The following RRM1 variants were observed in gnomAD, a reference collection of about 807,000 sequenced individuals.
RRM1 encodes ribonucleoside-diphosphate reductase large subunit.
A neutral mutation model predicts 101.5 loss-of-function variants in RRM1; 19 were observed. The observed-to-expected ratio is 0.19, with a 90% CI of 0.13 to 0.27. The LOEUF (loss-of-function observed/expected upper bound fraction) is 0.27. Ranked by LOEUF, RRM1 falls within the 10% of genes least tolerant of loss-of-function variation. The pLI is 1.00. For missense variants in RRM1, 500 were observed against 962.9 expected (o/e 0.52, Z 6.36); for synonymous variants, 298 against 323.4 (o/e 0.92, Z 0.84).
rs200593091 is a variant in RRM1, at chr11:4,138,427, A to G, written c.*44A>G. On this transcript the variant is annotated 3_prime_UTR_variant, in exon 19 of 19. Transcript: ENST00000300738. ...CCAGCATGTCTTCAGTAGCCAAACT[A>G]CTTCTTGAGCATAGATAGGTATAGT... The G allele has an allele frequency of 1.3e-6, 2 of 1,499,960 alleles. No homozygotes were observed. Among genetic ancestry groups the G allele is most frequent in the East Asian group, 2.3e-5 (1 of 42,646 alleles). 92.9% of individuals were successfully genotyped at this position (1,499,960 alleles called of 1,614,324 possible).
At chr11:4,127,401 G>A in intron 14 of RRM1, 145 bp downstream of exon 14, 2 of 521,946 alleles carry the variant, frequency 3.8e-6, no homozygotes, top group East Asian at 3.3e-5. Context: ...TTTTGCAGAT[G>A]TAATTAAGAA....
intron 9 of RRM1, among the ~76,000 whole-genome samples, chr11:4,120,352 A>G (rs1378340790): frequency 2.0e-5 from 3 of 152,060 alleles, no homozygotes; most frequent in Non-Finnish European, 4.4e-5. Flanking sequence ...ATGGGGTTGT[A>G]ACATGTGCTC....
intron 18 of RRM1, among the ~76,000 whole-genome samples, chr11:4,137,522 G>C (rs1158190102): frequency 3.1e-5 from 2 of 63,778 alleles, no homozygotes; most frequent in Non-Finnish European, 7.0e-5. Flanking sequence ...CCTCCCGGAC[G>C]GGGCGGCTGG....
Position 4,101,997 on chromosome 11 carries a change from C to T in RRM1, c.24C>T (p.Gly8=), listed in dbSNP as rs753244439. The change falls in exon 2 of 19, where the codon GGC becomes GGT. Residue 8 remains glycine (G), a synonymous_variant. Coordinates refer to ENST00000300738, the MANE Select transcript of RRM1 (RefSeq NM_001033.5). ...TAACATGATTTGATTCTTTAGATGG[C>T]CGCCAAGAACGAGTCATGTTTGACA... MHVIKRD[G]RQERVMFDKI... The T allele has an allele frequency of 1.9e-6, 3 of 1,567,950 alleles. No homozygotes were observed. Among genetic ancestry groups the T allele is most frequent in the Non-Finnish European group, 2.6e-6 (3 of 1,142,038 alleles).
intron 12 of RRM1, among the ~76,000 whole-genome samples, chr11:4,124,988 C>G (rs1043579840): frequency 6.6e-6 from 1 of 150,582 alleles, no homozygotes; most frequent in Admixed American, 6.6e-5. Flanking sequence ...GATCTCGGCT[C>G]ACTGCAACCT....
chr11:4,130,086 A>ATATTTTTTTTT (rs1202870487), intron 15 of RRM1, among the ~76,000 whole-genome samples: 1 of 99,484 alleles, frequency 1.0e-5, no homozygotes, highest in African/African-American at 5.4e-5. Context: ...ATATATATAT[A>ATATTTTTTTTT]TTTTTTTTTT....
At position 4,132,487 on chromosome 11, in the gene RRM1, C is replaced by T; in HGVS notation, c.1905+66C>T. On this transcript the variant is annotated intron_variant, in intron 16 of 18. Coordinates refer to ENST00000300738, the MANE Select transcript of RRM1 (RefSeq NM_001033.5). This position sits in a 1 kb window ranked among gnomAD's most constrained non-coding sequence, Gnocchi z 4.1. ...AAGCCTGATGTTGGGAGTAAATGCTCACTCATGTTTAATTTGCCCATTTTC... is the reference window on the plus strand; with the variant it reads ...AAGCCTGATGTTGGGAGTAAATGCTTACTCATGTTTAATTTGCCCATTTTC... 6.4e-7 allele frequency: 1 copy of T among 1,560,880 alleles called. No individual in the cohort carries two copies. Among genetic ancestry groups the T allele is most frequent in the Non-Finnish European group, 8.8e-7 (1 of 1,140,192 alleles).
At chr11:4,123,446 G>A (rs1229656813) in intron 12 of RRM1, 62 bp downstream of exon 12, 12 of 1,329,310 alleles carry the variant, frequency 9.0e-6, no homozygotes, top group Non-Finnish European at 1.3e-5. Context: ...TATTATTTGT[G>A]AATTCCTCAC....
chr11:4,107,387 G>C (rs534565912), intron 3 of RRM1, 48 bp from the exon 4 acceptor site: 5 of 1,220,010 alleles, frequency 4.1e-6, no homozygotes, highest in Non-Finnish European at 6.1e-6. Flanking sequence ...GATTGAATTA[G>C]CTGTTAAGTG....
At chr11:4,114,801 C>T (rs1229362813) in intron 7 of RRM1, among the ~76,000 whole-genome samples, 3 of 152,106 alleles carry the variant, frequency 2.0e-5, no homozygotes, top group African/African-American at 4.8e-5. Context: ...CAGCCTGCAC[C>T]TCCCAGGTCC....
Position 4,132,155 on chromosome 11 carries a change from G to A in RRM1, c.1770-131G>A, listed in dbSNP as rs549121223. On this transcript the variant is annotated intron_variant, in intron 15 of 18. Coordinates refer to ENST00000300738, the MANE Select transcript of RRM1 (RefSeq NM_001033.5). This position sits in a 1 kb window ranked among gnomAD's most constrained non-coding sequence, Gnocchi z 4.1. Reference sequence around the variant, plus strand: ...GTTTAATTTGAAAGTCAACGTGTGAGTTCAATGCATGTACGATGTTACATT... The same window carrying A: ...GTTTAATTTGAAAGTCAACGTGTGAATTCAATGCATGTACGATGTTACATT... 2.5e-5 allele frequency: 22 copies of A among 889,774 alleles called. No homozygotes were observed. The South Asian group carries it at 3.4e-4, about 14-fold the overall frequency. The allele number at this position is 889,774 out of a possible 1,614,324, so 55.1% of individuals were successfully genotyped here. A position where few individuals can be genotyped will look rare whatever the true frequency, so the allele number is the denominator to read the frequency against.
chr11:4,120,839 C>T (rs2268168), intron 9 of RRM1, among the ~76,000 whole-genome samples: 41,231 of 152,066 alleles, frequency 0.27, 6,856 homozygotes, highest in South Asian at 0.46. Flanking sequence ...TTCAACATGA[C>T]GCAACCCCAT....
chr11:4,119,722 C>T (rs778401444), intron 8 of RRM1, 123 bp from the exon 9 acceptor site: 1 of 686,974 alleles, frequency 1.5e-6, no homozygotes, highest in Admixed American at 2.7e-5. Context: ...AGATGGAGAG[C>T]AGGTAAAACT....
chr11:4,096,436 T>G (rs1465797950), intron 1 of RRM1, among the ~76,000 whole-genome samples: 1 of 152,226 alleles, frequency 6.6e-6, no homozygotes, highest in Non-Finnish European at 1.5e-5. Context: ...GGTAGTTGAT[T>G]TGGTTTAACT....
rs112086968 is a variant in RRM1 at position 4,109,406 on chromosome 11, A to C, written c.388-238A>C. 1.4e-3 allele frequency among the ~76,000 whole-genome samples: 214 copies of C among 152,128 alleles called. 1 individual carries two copies. Among genetic ancestry groups the C allele is most frequent in the African/African-American group, 4.9e-3 (204 of 41,544 alleles). ...ATCTCACAACATATATTTATGTATT[A>C]TCTTCTAGTGTTTTCATATACATGT... is the stretch of plus-strand genomic sequence containing the variant. On this transcript the variant is annotated intron_variant, in intron 4 of 18. Transcript: ENST00000300738.
chr11:4,098,812 T>G (rs1310238010), intron 1 of RRM1, among the ~76,000 whole-genome samples: 1 of 152,166 alleles, frequency 6.6e-6, no homozygotes, highest in African/African-American at 2.4e-5. Flanking sequence ...AACATAATAA[T>G]CAGTTAATTT....
In RRM1 at chr11:4,137,800, C is replaced by T. The variant is rs1299199088; in HGVS notation, c.2191-395C>T. On this transcript the variant is annotated intron_variant, in intron 18 of 18. Coordinates refer to ENST00000300738, the MANE Select transcript of RRM1 (RefSeq NM_001033.5). ...ACGGGGCGGCTGGCCGGGCTGGGGGCTGACTCCCCAACCTCCCTCCCGGAC... is the reference window on the plus strand; with the variant it reads ...ACGGGGCGGCTGGCCGGGCTGGGGGTTGACTCCCCAACCTCCCTCCCGGAC... Among the ~76,000 whole-genome samples the T allele has an allele frequency of 1.1e-4, 2 of 17,864 alleles. 1 individual carries two copies. The highest frequency in any genetic ancestry group is 3.6e-4 in the Non-Finnish European group (2 of 5,616). 11.7% of individuals were successfully genotyped at this position (17,864 alleles called of 152,430 possible).
At chr11:4,130,032 A>T (rs1470843983) in intron 15 of RRM1, among the ~76,000 whole-genome samples, 1 of 138,196 alleles carries the variant, frequency 7.2e-6, no homozygotes, top group African/African-American at 2.7e-5. Context: ...TTACATGGAA[A>T]TTCAACTTTT....
intron 1 of RRM1, among the ~76,000 whole-genome samples, chr11:4,098,413 TCCTC>T (rs1469304681): frequency 8.6e-6 from 1 of 115,738 alleles, no homozygotes; most frequent in African/African-American, 3.1e-5. Flanking sequence ...CTCCGTCCCT[TCCTC>T]CTTCCTTCCT....
Sources: allele counts gnomAD v4.1 joint callset (sites outside exome capture counted in the v4.1 genomes callset), GRCh38; gene constraint gnomAD v4.1.1; non-coding constraint Gnocchi (gnomAD v3.1); transcripts MANE v1.5; gene names NCBI Gene and HGNC (gene_info 2026-07-23, HGNC 2026-07-21).